Variants in SLF1 observed in about 807,000 individuals in gnomAD.
SLF1 encodes the protein SMC5/6 complex localization factor 1.
In SLF1, 105 loss-of-function variants were observed where a neutral mutation model predicts 123.0. The ratio of observed to expected loss-of-function variants is 0.85; its 90% CI spans 0.73 to 1.00. The LOEUF is 1.00. SLF1 is among the 50% of genes least tolerant of loss of function. The probability of loss-of-function intolerance (pLI) is 0.00; values close to 1 mark genes in which losing one functional copy is unlikely to be tolerated. For missense variants in SLF1, 1,239 were observed against 1,223.0 expected (o/e 1.01, Z -0.20); for synonymous variants, 434 against 406.6 (o/e 1.07, Z -0.81).
chr5:94,689,681 T>C, intron 18 of SLF1, 75 bp downstream of exon 18: 1 of 1,349,684 alleles, frequency 7.4e-7, no homozygotes, highest in Non-Finnish European at 1.0e-6. Context: ...GTTTCACACA[T>C]TTGCCCTGAT....
chr5:94,635,337 C>CTTTTTTTTTTTTTTTTTTT (rs34524874), intron 4 of SLF1, among the ~76,000 whole-genome samples: 32 of 43,908 alleles, frequency 7.3e-4, no homozygotes, highest in African/African-American at 8.9e-4. Flanking sequence ...ACATACTCGG[C>CTTTTTTTTTTTTTTTTTTT]TTTTTTTTTT....
At chr5:94,622,380 A>G (rs952366655) in intron 1 of SLF1, among the ~76,000 whole-genome samples, 4 of 152,202 alleles carry the variant, frequency 2.6e-5, no homozygotes, top group African/African-American at 9.6e-5. Context: ...CCAAAATAAC[A>G]AACACTGAGA....
chr5:94,652,583 T>G (rs899610311), intron 7 of SLF1, among the ~76,000 whole-genome samples: 1 of 152,188 alleles, frequency 6.6e-6, no homozygotes, highest in African/African-American at 2.4e-5. Flanking sequence ...CCTTTGGGCT[T>G]CTTTTTATTG....
intron 10 of SLF1, 109 bp downstream of exon 10, chr5:94,662,460 C>A: frequency 2.5e-6 from 2 of 807,486 alleles, no homozygotes; most frequent in Non-Finnish European, 3.5e-6. Context: ...TAAAAGGTAA[C>A]GTATTATATG....
intron 9 of SLF1, 52 bp downstream of exon 9, chr5:94,654,804 G>T: frequency 1.5e-6 from 2 of 1,332,334 alleles, no homozygotes. Context: ...TTACTGTAGT[G>T]TATTCAAAAT....
At chr5:94,652,160 A>T (rs947898514) in intron 7 of SLF1, among the ~76,000 whole-genome samples, 4 of 151,950 alleles carry the variant, frequency 2.6e-5, no homozygotes, top group Admixed American at 6.6e-5. Flanking sequence ...GGCACACACC[A>T]CCACGCCTGG....
chr5:94,629,621 A>C (rs1000611099), intron 3 of SLF1: 1 of 152,524 alleles, frequency 6.6e-6, no homozygotes, highest in African/African-American at 2.4e-5. Context: ...TATAGACCCA[A>C]ATTAAGACTT....
chr5:94,630,779 T>C, intron 4 of SLF1, 36 bp downstream of exon 4: 3 of 1,517,252 alleles, frequency 2.0e-6, no homozygotes, highest in Non-Finnish European at 1.8e-6. Flanking sequence ...AAGCAATTAA[T>C]GAGAAAATAA....
At chr5:94,648,322 T>A (rs555085146) in intron 5 of SLF1, among the ~76,000 whole-genome samples, 24 of 152,324 alleles carry the variant, frequency 1.6e-4, no homozygotes, top group African/African-American at 5.5e-4. Context: ...TGCAGCCTGC[T>A]AAAAGGAACG....
chr5:94,645,470 G>A (rs1746920860), intron 5 of SLF1, among the ~76,000 whole-genome samples: 1 of 152,108 alleles, frequency 6.6e-6, no homozygotes, highest in South Asian at 2.1e-4. Context: ...GTAGCCAAAA[G>A]CACATTATCT....
At position 94,696,643 on chromosome 5, in the gene SLF1, A is replaced by G. The variant is rs897137191; in HGVS notation, c.*1331A>G. 2.0e-5 allele frequency: 3 copies of G among 151,856 alleles called. No homozygotes were observed. Among genetic ancestry groups the G allele is most frequent in the Non-Finnish European group, 2.9e-5 (2 of 67,842 alleles). 9.4% of individuals were successfully genotyped at this position (151,856 alleles called of 1,614,324 possible). A position where few individuals can be genotyped will look rare whatever the true frequency, so the allele number is the denominator to read the frequency against. On this transcript the variant is annotated 3_prime_UTR_variant, in exon 21 of 21. Transcript: ENST00000265140. ...ATGAATAAGAACGTTTTTTATTCCA[A>G]TGAGTACCTCTTTACTTCACTTGTA...
Position 94,692,221 on chromosome 5 carries a change from A to G in SLF1, c.2660A>G (p.His887Arg). 1 of 1,613,782 alleles carries G rather than the reference A, an allele frequency of 6.2e-7. No individual in the cohort carries two copies. The highest frequency in any genetic ancestry group is 8.5e-7 in the Non-Finnish European group (1 of 1,179,760). ...TPLHDALSNG[H>R]VEIGKLLLQH... ...TTGCATGATGCACTGTCAAACGGAC[A>G]TGTAGAAATTGGCAAGCTGCTACTA... The change falls in exon 20 of 21, where the codon CAT (histidine) becomes CGT (arginine). Residue 887 changes from histidine to arginine, a missense_variant. Transcript: ENST00000265140.
At chr5:94,647,049 T>C (rs1490694102) in intron 5 of SLF1, among the ~76,000 whole-genome samples, 1 of 152,216 alleles carries the variant, frequency 6.6e-6, no homozygotes, top group Admixed American at 6.5e-5. Context: ...ACAGCTGTCA[T>C]GTATCAGAGC....
At position 94,662,229 on chromosome 5, in the gene SLF1, T is replaced by G. The variant is rs139172850; in HGVS notation, c.1156-69T>G. On this transcript the variant is annotated intron_variant, in intron 9 of 20. Coordinates refer to ENST00000265140, the MANE Select transcript of SLF1 (RefSeq NM_032290.4). ...TCTGTTTTATATGTTTTTCCAAGGTTTTGGGGAAGCTGAAATGTATTTTTC... is the reference window on the plus strand; with the variant it reads ...TCTGTTTTATATGTTTTTCCAAGGTGTTGGGGAAGCTGAAATGTATTTTTC... The G allele has an allele frequency of 2.0e-5, 28 of 1,367,024 alleles. 1 individual carries two copies. Among genetic ancestry groups the G allele is most frequent in the Non-Finnish European group, 2.8e-5 (28 of 994,784 alleles). The allele number at this position is 1,367,024 out of a possible 1,614,324, so 84.7% of individuals were successfully genotyped here.
intron 4 of SLF1, among the ~76,000 whole-genome samples, chr5:94,639,037 C>CTTTTTTTTTT (rs764031689): frequency 8.1e-4 from 72 of 88,956 alleles, no homozygotes; most frequent in Middle Eastern, 0.015. Context: ...CTTTTCTTCC[C>CTTTTTTTTTT]TTTTTTTTTT....
chr5:94,694,390 G>T (rs550991533), intron 20 of SLF1, among the ~76,000 whole-genome samples: 1 of 151,912 alleles, frequency 6.6e-6, no homozygotes, highest in Admixed American at 6.6e-5. Flanking sequence ...TGTAGTCTTT[G>T]CACTGCTAGA....
At chr5:94,632,391 C>A (rs893731201) in intron 4 of SLF1, among the ~76,000 whole-genome samples, 1 of 152,238 alleles carries the variant, frequency 6.6e-6, no homozygotes, top group South Asian at 2.1e-4. Flanking sequence ...TATTTCCGTA[C>A]ACATTTTAGA....
intron 1 of SLF1, 133 bp from the exon 2 acceptor site, chr5:94,628,678 C>T: frequency 2.0e-6 from 1 of 497,508 alleles, no homozygotes; most frequent in Non-Finnish European, 3.5e-6. Flanking sequence ...GTTTTAACAG[C>T]TGTGCCTAAC....
At chr5:94,636,065 G>A (rs1238927102) in intron 4 of SLF1, among the ~76,000 whole-genome samples, 1 of 152,124 alleles carries the variant, frequency 6.6e-6, no homozygotes, top group Non-Finnish European at 1.5e-5. Flanking sequence ...AGGTAAGTAA[G>A]GTATTGGCAG....
Sources: gnomAD v4.1 joint callset for allele counts (sites outside exome capture counted in the v4.1 genomes callset) on GRCh38, gnomAD v4.1.1 for gene constraint, MANE v1.5 for transcripts, NCBI Gene and HGNC (gene_info 2026-07-23, HGNC 2026-07-21) for gene names.